TMEM117: variants seen among roughly 807,000 people sequenced by gnomAD.
The protein encoded by TMEM117 is transmembrane protein 117.
Under a neutral mutation model 52.4 loss-of-function variants are expected in TMEM117, and 27 were observed. The ratio of observed to expected loss-of-function variants is 0.51; its 90% CI spans 0.38 to 0.71. The LOEUF (loss-of-function observed/expected upper bound fraction) is 0.71. TMEM117 is among the 30% of genes least tolerant of loss of function. The pLI is 0.00. For synonymous variants in TMEM117, 215 were observed against 206.3 expected (o/e 1.04, Z -0.36); for missense variants, 556 against 630.5 (o/e 0.88, Z 1.26).
At chr12:43,840,965 A>G (rs988347935) in intron 1 of TMEM117, among the ~76,000 whole-genome samples, 3 of 152,094 alleles carry the variant, frequency 2.0e-5, no homozygotes, top group African/African-American at 7.2e-5. Context: ...GGTTCTCTGG[A>G]TAATATTGGG....
the TMEM117 span, among the ~76,000 whole-genome samples, chr12:43,796,323 T>C: frequency 1.3e-5 from 2 of 152,114 alleles, no homozygotes; most frequent in Non-Finnish European, 2.9e-5. Context: ...CTTAGGAACT[T>C]AAAAAGCATG....
chr12:44,078,790 A>T (rs572347913), intron 3 of TMEM117, among the ~76,000 whole-genome samples: 1 of 152,146 alleles, frequency 6.6e-6, no homozygotes, highest in Non-Finnish European at 1.5e-5. Context: ...TACACATGCC[A>T]TGGTGGTTTG....
intron 3 of TMEM117, among the ~76,000 whole-genome samples, chr12:44,121,860 C>T (rs1948241011): frequency 6.6e-6 from 1 of 152,050 alleles, no homozygotes; most frequent in African/African-American, 2.4e-5. Flanking sequence ...TCCTCCTACC[C>T]TTACCTCAAG....
intron 4 of TMEM117, among the ~76,000 whole-genome samples, chr12:44,172,873 T>G (rs922274783): frequency 1.3e-5 from 2 of 152,032 alleles, no homozygotes; most frequent in African/African-American, 4.8e-5. Context: ...TACAGGTGCA[T>G]GCCACCACGC....
intron 2 of TMEM117, among the ~76,000 whole-genome samples, chr12:43,903,248 T>TA (rs1944333352): frequency 1.3e-5 from 2 of 152,222 alleles, no homozygotes; most frequent in African/African-American, 4.8e-5. Context: ...ATTTTTCTAG[T>TA]GTGCTGGATG....
intron 6 of TMEM117, among the ~76,000 whole-genome samples, chr12:44,374,470 G>A (rs971876708): frequency 2.0e-5 from 3 of 152,100 alleles, no homozygotes; most frequent in Non-Finnish European, 2.9e-5. Context: ...CCTTCTCTGA[G>A]CCCTTTCTTT....
intron 4 of TMEM117, among the ~76,000 whole-genome samples, chr12:44,145,833 T>C (rs987775977): frequency 6.6e-6 from 1 of 152,196 alleles, no homozygotes; most frequent in Non-Finnish European, 1.5e-5. Context: ...GGAGAAACAA[T>C]GAACCAGCAG....
rs535433303 is a variant in TMEM117, at chr12:44,380,230, C to T, written c.898+3506C>T. ...CAGGGAGAAAGGCACATGGTAGAATCCTCCTAGGAGCTGAAATTTTAGAGC... is the reference window on the plus strand; with the variant it reads ...CAGGGAGAAAGGCACATGGTAGAATTCTCCTAGGAGCTGAAATTTTAGAGC... On this transcript the variant is annotated intron_variant, in intron 7 of 7. Coordinates refer to ENST00000266534, the MANE Select transcript of TMEM117 (RefSeq NM_032256.3). Among the ~76,000 whole-genome samples the T allele has an allele frequency of 7.2e-5, 11 of 152,222 alleles. No individual in the cohort carries two copies. The East Asian group carries it at 2.1e-3, about 29-fold the overall frequency.
At chr12:44,304,830 C>T (rs1950885027) in intron 6 of TMEM117, among the ~76,000 whole-genome samples, 1 of 152,210 alleles carries the variant, frequency 6.6e-6, no homozygotes, top group African/African-American at 2.4e-5. Context: ...GTACTCACTG[C>T]AGCCTTGAGT....
chr12:44,203,773 G>A (rs1392819083), intron 4 of TMEM117, among the ~76,000 whole-genome samples: 2 of 152,116 alleles, frequency 1.3e-5, no homozygotes, highest in African/African-American at 2.4e-5. Flanking sequence ...ACATCTTCTT[G>A]ATATTGATTT....
chr12:43,864,406 G>T (rs1188913374), intron 2 of TMEM117, among the ~76,000 whole-genome samples: 2 of 152,202 alleles, frequency 1.3e-5, no homozygotes, highest in African/African-American at 4.8e-5. Context: ...CTAGCTAAGG[G>T]ATTGTAAATA....
intron 6 of TMEM117, among the ~76,000 whole-genome samples, chr12:44,315,512 A>G (rs948688990): frequency 9.9e-5 from 15 of 152,172 alleles, no homozygotes; most frequent in Non-Finnish European, 1.8e-4. Context: ...GTTTACCCAA[A>G]AATTGTTCAG....
intron 2 of TMEM117, among the ~76,000 whole-genome samples, chr12:43,892,398 A>T (rs760950583): frequency 6.6e-6 from 1 of 152,162 alleles, no homozygotes; most frequent in Non-Finnish European, 1.5e-5. Flanking sequence ...TTGGCATGTT[A>T]CCAAATTCCA....
chr12:43,909,925 A>G (rs1396474186), intron 2 of TMEM117, among the ~76,000 whole-genome samples: 1 of 132,990 alleles, frequency 7.5e-6, no homozygotes. Flanking sequence ...ACAAGGAGGA[A>G]CTGGTACCAT....
intron 3 of TMEM117, among the ~76,000 whole-genome samples, chr12:43,965,999 G>A (rs1166640581): frequency 6.6e-6 from 1 of 152,140 alleles, no homozygotes; most frequent in Admixed American, 6.5e-5. Flanking sequence ...GAGGACAAGT[G>A]GTATTTGGGT....
intron 2 of TMEM117, among the ~76,000 whole-genome samples, chr12:43,925,374 C>T (rs1466807016): frequency 6.6e-6 from 1 of 151,978 alleles, no homozygotes; most frequent in Admixed American, 6.6e-5. Context: ...CCCAATTTCA[C>T]TGACTCTTTG....
chr12:43,988,443 A>G (rs1479968488), intron 3 of TMEM117, among the ~76,000 whole-genome samples: 4 of 152,156 alleles, frequency 2.6e-5, no homozygotes, highest in African/African-American at 7.2e-5. Context: ...TTACAATTAA[A>G]TTACATTCAT....
intron 3 of TMEM117, among the ~76,000 whole-genome samples, chr12:44,027,615 G>A (rs1946563407): frequency 6.6e-6 from 1 of 152,200 alleles, no homozygotes. Context: ...TACTACATGA[G>A]AGGTGTTTCC....
intron 5 of TMEM117, among the ~76,000 whole-genome samples, chr12:44,292,013 G>T (rs1950711423): frequency 6.6e-6 from 1 of 151,916 alleles, no homozygotes; most frequent in African/African-American, 2.4e-5. Context: ...AATGAGATTG[G>T]AGGTATCCTC....
Sources: gnomAD v4.1 joint callset for allele counts (sites outside exome capture counted in the v4.1 genomes callset) on GRCh38, gnomAD v4.1.1 for gene constraint, MANE v1.5 for transcripts, NCBI Gene and HGNC (gene_info 2026-07-23, HGNC 2026-07-21) for gene names.